The following FREM1 variants were observed in gnomAD, a reference collection of about 807,000 sequenced individuals.
FREM1 encodes FRAS1-related extracellular matrix protein 1.
A neutral mutation model predicts 210.1 loss-of-function variants in FREM1; 220 were observed. The observed-to-expected ratio is 1.05, with a 90% CI of 0.94 to 1.17. FREM1 has a LOEUF of 1.17. FREM1 is among the 50% of genes most tolerant of loss of function. The pLI, the probability that FREM1 is intolerant of heterozygous loss-of-function variation, is 0.00. For synonymous variants in FREM1, 1,189 were observed against 980.2 expected, an observed-to-expected ratio of 1.21 and a Z score of -3.98; for missense variants, 3,454 against 2,675.5, an observed-to-expected ratio of 1.29 and a Z score of -6.42.
chr9:14,814,378 G>A (rs1819923723), intron 15 of FREM1, among the ~76,000 whole-genome samples: 1 of 152,004 alleles, frequency 6.6e-6, no homozygotes, highest in Non-Finnish European at 1.5e-5. Context: ...CCTAAGGCTT[G>A]GCAAAGAAAG....
At chr9:14,755,120 G>C (rs187323051) in intron 29 of FREM1, among the ~76,000 whole-genome samples, 4 of 152,296 alleles carry the variant, frequency 2.6e-5, no homozygotes, top group African/African-American at 7.2e-5. Flanking sequence ...CATGCTGACA[G>C]CTTGATCTTG....
chr9:14,856,814 C>T (rs1189151175), intron 5 of FREM1, among the ~76,000 whole-genome samples: 7 of 136,700 alleles, frequency 5.1e-5, no homozygotes, highest in East Asian at 2.1e-4. Context: ...CCAGCCTGGG[C>T]GACAGAGCGA....
chr9:14,860,560 C>CACAT (rs1829652549), intron 3 of FREM1, among the ~76,000 whole-genome samples: 2 of 102,588 alleles, frequency 1.9e-5, no homozygotes, highest in African/African-American at 5.4e-5. Context: ...TATATACACA[C>CACAT]ATATATATAC....
chr9:14,778,756 A>G (rs1254875714), intron 24 of FREM1, among the ~76,000 whole-genome samples: 1 of 143,102 alleles, frequency 7.0e-6, no homozygotes, highest in African/African-American at 2.6e-5. Context: ...AAGGAAAGGA[A>G]AGGAAGTCAG....
chr9:14,809,627 C>G (rs1364596956), intron 16 of FREM1, among the ~76,000 whole-genome samples: 3 of 152,182 alleles, frequency 2.0e-5, no homozygotes, highest in Non-Finnish European at 4.4e-5. Context: ...AGACCTCTCA[C>G]CTATTCATAT....
intron 16 of FREM1, 73 bp downstream of exon 16, chr9:14,812,739 G>A: frequency 7.0e-7 from 1 of 1,429,674 alleles, no homozygotes; most frequent in Non-Finnish European, 9.4e-7. Flanking sequence ...GTTTGATTAT[G>A]GGAGCCCACA....
intron 4 of FREM1, among the ~76,000 whole-genome samples, chr9:14,858,164 G>A (rs1183729030): frequency 6.6e-6 from 1 of 151,970 alleles, no homozygotes; most frequent in Non-Finnish European, 1.5e-5. Flanking sequence ...TCCCCATGTG[G>A]CTATCACGCA....
Position 14,825,557 on chromosome 9 carries a change from A to G in FREM1, c.1882-565T>C, listed in dbSNP as rs1361670145. Among the ~76,000 whole-genome samples, 40 of 136,252 alleles carry G rather than the reference A, an allele frequency of 2.9e-4. 1 individual carries two copies. The highest frequency in any genetic ancestry group is 4.8e-4 in the Non-Finnish European group (30 of 63,022). 89.4% of individuals were successfully genotyped at this position (136,252 alleles called of 152,430 possible). ...TATATGTGTGTGTGTGTATATATAT[A>G]TATATATATATATACCACAATTATA... is the stretch of plus-strand genomic sequence containing the variant. On this transcript the variant is annotated intron_variant, in intron 10 of 36. Transcript: ENST00000380880.
chr9:14,777,093 T>C (rs1002679953), intron 24 of FREM1, among the ~76,000 whole-genome samples: 1 of 152,202 alleles, frequency 6.6e-6, no homozygotes, highest in Non-Finnish European at 1.5e-5. Context: ...GGTTTAGCAA[T>C]CCACCACAAA....
intron 10 of FREM1, among the ~76,000 whole-genome samples, chr9:14,837,251 T>G (rs929264691): frequency 1.3e-5 from 2 of 152,158 alleles, no homozygotes; most frequent in Admixed American, 6.5e-5. Flanking sequence ...CTGAGCCCTA[T>G]GCAAATCAGA....
chr9:14,898,078 T>C (rs1280849934), intron 1 of FREM1, among the ~76,000 whole-genome samples: 1 of 152,218 alleles, frequency 6.6e-6, no homozygotes, highest in Non-Finnish European at 1.5e-5. Context: ...AATTCTTTGA[T>C]GCAGGTTTGG....
intron 25 of FREM1, among the ~76,000 whole-genome samples, chr9:14,771,566 G>A (rs954118): frequency 0.12 from 17,748 of 152,100 alleles, 1,354 homozygotes; most frequent in Non-Finnish European, 0.17. Context: ...CAAGATGACT[G>A]TTGTAGGTTA....
intron 1 of FREM1, among the ~76,000 whole-genome samples, chr9:14,906,160 T>C (rs574575588): frequency 2.6e-5 from 4 of 152,296 alleles, no homozygotes; most frequent in South Asian, 2.1e-4. Flanking sequence ...TAAACGAACA[T>C]CTAGTGAGGT....
chr9:14,779,626 G>C (rs1348478293), intron 24 of FREM1: 2 of 229,128 alleles, frequency 8.7e-6, no homozygotes, highest in East Asian at 3.7e-4. Context: ...GGTCACCGCA[G>C]TTGTCTTATG....
intron 26 of FREM1, 42 bp from the exon 27 acceptor site, chr9:14,769,910 A>T: frequency 9.9e-7 from 1 of 1,005,430 alleles, no homozygotes; most frequent in Non-Finnish European, 1.5e-6. Context: ...AATCAAACAA[A>T]ACATTAAATA....
intron 24 of FREM1, among the ~76,000 whole-genome samples, chr9:14,780,639 G>C (rs1343840203): frequency 6.6e-6 from 1 of 151,920 alleles, no homozygotes; most frequent in African/African-American, 2.4e-5. Context: ...TTTTGCAGAA[G>C]GTAAAATCTG....
intron 19 of FREM1, among the ~76,000 whole-genome samples, chr9:14,802,400 C>G (rs985384028): frequency 6.6e-6 from 1 of 152,154 alleles, no homozygotes; most frequent in Non-Finnish European, 1.5e-5. Flanking sequence ...TGTATTTCCA[C>G]TGAAATCAAC....
At position 14,863,821 on chromosome 9, in the gene FREM1, A is replaced by C. The variant is rs757888654; in HGVS notation, c.317T>G (p.Leu106Arg). Residue 106 changes from leucine (L) to arginine (R), a missense_variant, in exon 3 of 37, where the codon CTC becomes CGC. By Grantham distance (102) the Leu-to-Arg change is moderately radical. Transcript: ENST00000380880. ...CPILDEDTVK[L>R]RLYRFTERDT... ...CCGTGCCGCTTACCTGTAAAGTCTG[A>C]GCTTCACTGTGTCTTCATCAAGAAT... 1 of 1,609,820 alleles carries C rather than the reference A, an allele frequency of 6.2e-7. No individual in the cohort carries two copies. Among genetic ancestry groups the C allele is most frequent in the South Asian group, 1.1e-5 (1 of 90,902 alleles).
intron 1 of FREM1, among the ~76,000 whole-genome samples, chr9:14,888,486 TC>T (rs1836206145): frequency 1.3e-5 from 2 of 152,204 alleles, no homozygotes; most frequent in South Asian, 4.2e-4. Context: ...AGTTAATGTT[TC>T]ACTAGAAACA....
Sources: allele counts gnomAD v4.1 joint callset (sites outside exome capture counted in the v4.1 genomes callset), GRCh38; gene constraint gnomAD v4.1.1; transcripts MANE v1.5; gene names NCBI Gene and HGNC (gene_info 2026-07-23, HGNC 2026-07-21).